Variants in SSC5D observed in about 807,000 individuals in gnomAD.
The protein encoded by SSC5D is soluble scavenger receptor cysteine-rich domain-containing protein SSC5D.
SSC5D carries 106 observed loss-of-function variants against 104.6 expected under a neutral mutation model. That is an observed-to-expected ratio of 1.01 (90% CI 0.87 to 1.19). The LOEUF is 1.19. Among genes scored for constraint, SSC5D ranks in the 50% most tolerant of loss-of-function variants. The pLI, the probability that SSC5D is intolerant of heterozygous loss-of-function variation, is 0.00. For synonymous variants in SSC5D, 860 were observed against 883.5 expected (o/e 0.97, Z 0.47); for missense variants, 1,993 against 2,153.8 (o/e 0.93, Z 1.48).
chr19:55,501,082 C>T lies in SSC5D; in HGVS notation c.2666C>T (p.Ser889Leu), dbSNP rs776457988. 7.1e-6 allele frequency: 11 copies of T among 1,551,724 alleles called. No individual in the cohort carries two copies. The highest frequency in any genetic ancestry group is 1.7e-4 in the Middle Eastern group (1 of 6,016). ...DYPPWTWDPT[S>L]REDLAKGTTT... ...CCCCCCTGGACCTGGGACCCCACCT[C>T]AAGAGAGGACCTGGCCAAGGGGACT... The change falls in exon 12 of 14, where the codon TCA (serine) becomes TTA (leucine). Residue 889 changes from serine (S) to leucine (L), a missense_variant. Around this residue, in one of 6 missense-constraint regions of SSC5D, gnomAD observed 423 missense variants for 409.2 expected, o/e 1.03. Coordinates refer to ENST00000389623, the MANE Select transcript of SSC5D (RefSeq NM_001144950.2).
intron 12 of SSC5D, chr19:55,504,246 A>C (rs10421885): frequency 0.19 from 281,514 of 1,520,376 alleles, 26,677 homozygotes; most frequent in African/African-American, 0.25. Context: ...CTGCGGAGAC[A>C]GCGGGTCCGG....
At chr19:55,512,825 G>A (rs566552258) in intron 12 of SSC5D, among the ~76,000 whole-genome samples, 186 bp from the exon 13 acceptor site, 71 of 152,190 alleles carry the variant, frequency 4.7e-4, no homozygotes, top group African/African-American at 1.5e-3. Flanking sequence ...GACCGTTTCC[G>A]TCGTTGGTAG....
Position 55,517,700 on chromosome 19 carries a change from T to A in SSC5D, c.3424T>A (p.Ser1142Thr). 1 of 1,550,760 alleles carries A rather than the reference T, an allele frequency of 6.4e-7. No homozygotes were observed. Among genetic ancestry groups the A allele is most frequent in the Non-Finnish European group, 8.7e-7 (1 of 1,146,786 alleles). ...YSSTVSEYSR[S>T]PDPSPSPHPT... The stretch of plus-strand genomic sequence containing the variant: ...CAGTACAGTCTCAGAATATTCTAGA[T>A]CCCCAGACCCCTCCCCAAGCCCTCA... The change falls in exon 14 of 14, where the codon TCC becomes ACC. Residue 1142 changes from serine (S) to threonine (T), a missense_variant. Physicochemically the swap from Ser to Thr is moderately conservative, Grantham distance 58 (BLOSUM62 1). Coordinates refer to ENST00000389623, the MANE Select transcript of SSC5D (RefSeq NM_001144950.2).
chr19:55,517,144 C>G, intron 13 of SSC5D, 80 bp from the exon 14 acceptor site: 1 of 1,334,250 alleles, frequency 7.5e-7, no homozygotes, highest in Non-Finnish European at 1.0e-6. Flanking sequence ...TTGGTCGGCT[C>G]CTCGAGGGGC....
chr19:55,498,650 G>C (rs567556476), intron 9 of SSC5D, among the ~76,000 whole-genome samples: 122 of 152,336 alleles, frequency 8.0e-4, no homozygotes, highest in Non-Finnish European at 1.4e-3. Flanking sequence ...CAGAGGCTGA[G>C]CCAGGTGCAG....
intron 12 of SSC5D, among the ~76,000 whole-genome samples, chr19:55,510,100 T>G (rs1987724728): frequency 6.6e-6 from 1 of 151,776 alleles, no homozygotes; most frequent in South Asian, 2.1e-4. Flanking sequence ...AAGGCTCAAG[T>G]GATTCTCATG....
chr19:55,491,553 T>G (rs1299680532), intron 6 of SSC5D: 2 of 160,946 alleles, frequency 1.2e-5, no homozygotes, highest in Non-Finnish European at 2.7e-5. Flanking sequence ...GGGAGGGCGG[T>G]GACTTGGGGG....
chr19:55,493,775 T>C lies in SSC5D; in HGVS notation c.1076T>C (p.Phe359Ser), dbSNP rs935665998. The change falls in exon 7 of 14, where the codon TTT becomes TCT. Residue 359 changes from phenylalanine to serine, a missense_variant. Around this residue, in one of 6 missense-constraint regions of SSC5D, gnomAD observed 1,101 missense variants for 1,085.0 expected, o/e 1.01. Coordinates refer to ENST00000389623, the MANE Select transcript of SSC5D (RefSeq NM_001144950.2). ...GALAAPGGAFFGEGSGPIILD... is the reference protein window; with the variant it reads ...GALAAPGGAFSGEGSGPIILD... ...CTGGCCGCCCCCGGGGGCGCCTTCT[T>C]TGGGGAGGGGTCTGGACCCATCATC... 1.3e-6 allele frequency: 2 copies of C among 1,533,052 alleles called. No individual in the cohort carries two copies. The highest frequency in any genetic ancestry group is 1.8e-6 in the Non-Finnish European group (2 of 1,140,534). The allele number at this position is 1,533,052 out of a possible 1,614,324, so 95.0% of individuals were successfully genotyped here.
At chr19:55,509,592 C>T (rs1239136702) in intron 12 of SSC5D, among the ~76,000 whole-genome samples, 2 of 149,290 alleles carry the variant, frequency 1.3e-5, no homozygotes, top group Non-Finnish European at 3.0e-5. Context: ...GACGGAGTCT[C>T]ACGCCTGTAA....
rs936546449 is a variant in SSC5D, at chr19:55,503,576, G to T, written c.2785+2375G>T. 6.6e-6 allele frequency among the ~76,000 whole-genome samples: 1 copy of T among 151,348 alleles called. No individual in the cohort carries two copies. The highest frequency in any genetic ancestry group is 1.5e-5 in the Non-Finnish European group (1 of 67,990). On this transcript the variant is annotated intron_variant, in intron 12 of 13. Coordinates refer to ENST00000389623, the MANE Select transcript of SSC5D (RefSeq NM_001144950.2). This position sits in a 1 kb window ranked among gnomAD's most constrained non-coding sequence, Gnocchi z 4.0. Reference sequence around the variant, plus strand: ...GTTTCTCACCGTCCCCGCCGCCCTCGCCGCTCCCTCACGGGAGGTTTCACT... The same window carrying T: ...GTTTCTCACCGTCCCCGCCGCCCTCTCCGCTCCCTCACGGGAGGTTTCACT...
chr19:55,504,040 A>T, intron 12 of SSC5D: 1 of 1,400,564 alleles, frequency 7.1e-7, no homozygotes, highest in Non-Finnish European at 9.7e-7. Context: ...GGAGGGAGGA[A>T]GCAGGCCCTA....
Position 55,503,257 on chromosome 19 carries a change from G to A in SSC5D, c.2785+2056G>A, listed in dbSNP as rs4801315. On this transcript the variant is annotated intron_variant, in intron 12 of 13. Transcript: ENST00000389623. The surrounding 1 kb of genome is among the most constrained non-coding windows in gnomAD (Gnocchi z 4.0). ...GGCCCAAACTGTTTCTGTATCTTCC[G>A]TCCTCTTGTCTTTCACTTTCAGTTC... 0.26 allele frequency among the ~76,000 whole-genome samples: 39,966 copies of A among 151,962 alleles called. 5,762 individuals are homozygous for A. The highest frequency in any genetic ancestry group is 0.58 in the East Asian group (2,999 of 5,160).
At position 55,493,639 on chromosome 19, in the gene SSC5D, G is replaced by T; in HGVS notation, c.940G>T (p.Ala314Ser). 6.7e-7 allele frequency: 1 copy of T among 1,493,286 alleles called. No homozygotes were observed. The allele number at this position is 1,493,286 out of a possible 1,614,324, so 92.5% of individuals were successfully genotyped here. ...LRLADGPHGC[A>S]GRLEVWHGGR... ...CCTGGCCGATGGCCCCCACGGGTGC[G>T]CCGGCCGCCTGGAGGTCTGGCACGG... is the stretch of plus-strand genomic sequence containing the variant. Residue 314 changes from alanine to serine, a missense_variant, in exon 7 of 14, where the codon GCC becomes TCC. This residue lies in a region of SSC5D where 1,101 missense variants were observed against 1,085.0 expected (regional missense o/e 1.01). Coordinates refer to ENST00000389623, the MANE Select transcript of SSC5D (RefSeq NM_001144950.2).
At chr19:55,490,460 AGGGCCCAGAAAAACTGAGG>A in intron 5 of SSC5D, 52 bp downstream of exon 5, 2 of 666,816 alleles carry the variant, frequency 3.0e-6, no homozygotes, top group Non-Finnish European at 5.1e-6. Flanking sequence ...TGTGAGGCCC[AGGGCCCAGAAAAACTGAGG>A]ACCTGCGGGC....
At chr19:55,504,282 G>C (rs1353700540) in intron 12 of SSC5D, 47 of 1,471,152 alleles carry the variant, frequency 3.2e-5, no homozygotes, top group Non-Finnish European at 4.1e-5. Flanking sequence ...CGTAGGGTAG[G>C]GAGGCAGCCA....
intron 12 of SSC5D, among the ~76,000 whole-genome samples, chr19:55,509,917 GA>G (rs1387600480): frequency 8.1e-5 from 12 of 148,484 alleles, no homozygotes; most frequent in South Asian, 2.1e-4. Flanking sequence ...ATGAGAATGA[GA>G]AACCAGATTT....
intron 6 of SSC5D, chr19:55,491,865 A>G (rs796550831): frequency 6.6e-6 from 1 of 151,906 alleles, no homozygotes; most frequent in South Asian, 2.1e-4. Context: ...ACCCTGCTGG[A>G]CTGCCCGATC....
At position 55,517,209 on chromosome 19, in the gene SSC5D, TTCC is replaced by T. The variant is rs1220486675; in HGVS notation, c.2948-5_2948-3del. ...TTGACCTCAGACCGTCCGTCTGTCT[TTCC>T]TCCTCCTCCAGGTTCCCCGAGGAAA... On this transcript the variant is annotated splice_polypyrimidine_tract_variant and intron_variant, in intron 13 of 13. Coordinates refer to ENST00000389623, the MANE Select transcript of SSC5D (RefSeq NM_001144950.2). 5.9e-6 allele frequency: 9 copies of T among 1,532,182 alleles called. No homozygotes were observed. In the East Asian group the frequency reaches 7.3e-5, roughly 12 times the overall value. 94.9% of individuals were successfully genotyped at this position (1,532,182 alleles called of 1,614,324 possible).
chr19:55,501,059 C>T lies in SSC5D; in HGVS notation c.2643C>T (p.Pro881=), dbSNP rs180950186. The T allele has an allele frequency of 2.7e-4, 424 of 1,551,902 alleles. 1 individual carries two copies. Among genetic ancestry groups the T allele is most frequent in the Non-Finnish European group, 3.4e-4 (386 of 1,147,018 alleles). The change falls in exon 12 of 14, where the codon CCC becomes CCT. Residue 881 remains proline (P), a synonymous_variant. Coordinates refer to ENST00000389623, the MANE Select transcript of SSC5D (RefSeq NM_001144950.2). ...CTGYTDYDDY[P]PWTWDPTSRE... is the part of the protein sequence containing the mutation. ...GCTACACAGACTATGACGATTATCCCCCCTGGACCTGGGACCCCACCTCAA... is the reference window on the plus strand; with the variant it reads ...GCTACACAGACTATGACGATTATCCTCCCTGGACCTGGGACCCCACCTCAA...
Sources: allele counts gnomAD v4.1 joint callset (sites outside exome capture counted in the v4.1 genomes callset), GRCh38; gene constraint gnomAD v4.1.1; regional missense constraint gnomAD v4.1.1; non-coding constraint Gnocchi (gnomAD v3.1); transcripts MANE v1.5; gene names NCBI Gene and HGNC (gene_info 2026-07-23, HGNC 2026-07-21).